RERE: variants seen among roughly 807,000 people sequenced by gnomAD.
RERE encodes the protein arginine-glutamic acid dipeptide repeats protein.
Under a neutral mutation model 146.1 loss-of-function variants are expected in RERE, and 40 were observed. The ratio of observed to expected loss-of-function variants is 0.27; its 90% CI spans 0.21 to 0.36. RERE has a LOEUF of 0.36. RERE is among the 10% of genes least tolerant of loss of function. The pLI, the probability that RERE is intolerant of heterozygous loss-of-function variation, is 1.00. For synonymous variants in RERE, 1,003 were observed against 866.0 expected, an observed-to-expected ratio of 1.16 and a Z score of -2.78; for missense variants, 1,933 against 2,138.7, an observed-to-expected ratio of 0.90 and a Z score of 1.90.
rs545872918 is a variant in RERE at position 8,553,154 on chromosome 1, C to T, written c.725+3321G>A. On this transcript the variant is annotated intron_variant, in intron 6 of 22. Transcript: ENST00000400908. ...GTGACACCACACAAGTAGGCCAGTG[C>T]ATCCACACATGCGTGTGCGACACAC... Among the ~76,000 whole-genome samples, 38 of 150,976 alleles carry T rather than the reference C, an allele frequency of 2.5e-4. No homozygotes were observed. The South Asian group carries it at 5.9e-3, about 23-fold the overall frequency.
At chr1:8,646,492 A>G (rs1647313435) in intron 2 of RERE, among the ~76,000 whole-genome samples, 1 of 151,616 alleles carries the variant, frequency 6.6e-6, no homozygotes, top group East Asian at 1.9e-4. Context: ...TGTTCATGTC[A>G]CTGCACTGTT....
At chr1:8,771,331 G>A (rs1640944676) in intron 1 of RERE, among the ~76,000 whole-genome samples, 1 of 151,654 alleles carries the variant, frequency 6.6e-6, no homozygotes, top group Non-Finnish European at 1.5e-5. Context: ...AGTCCAGCCT[G>A]GCCAACATGA....
At chr1:8,591,375 T>C (rs1292895739) in intron 4 of RERE, among the ~76,000 whole-genome samples, 2 of 152,112 alleles carry the variant, frequency 1.3e-5, no homozygotes, top group African/African-American at 2.4e-5. Context: ...CTGGCTGTTT[T>C]TGACCACCCA....
intron 1 of RERE, among the ~76,000 whole-genome samples, chr1:8,745,551 C>T (rs1315955176): frequency 6.6e-6 from 1 of 152,102 alleles, no homozygotes; most frequent in Non-Finnish European, 1.5e-5. Context: ...CTGTCATGAT[C>T]GCCTGGCTAA....
At chr1:8,814,012 T>G (rs1233497743) in intron 1 of RERE, among the ~76,000 whole-genome samples, 1 of 152,232 alleles carries the variant, frequency 6.6e-6, no homozygotes, top group African/African-American at 2.4e-5. Flanking sequence ...ATTACCTTTT[T>G]GTTGTGAATT....
intron 7 of RERE, among the ~76,000 whole-genome samples, chr1:8,522,883 AAAAG>A (rs1421064709): frequency 6.6e-6 from 1 of 151,972 alleles, no homozygotes; most frequent in Admixed American, 6.6e-5. Context: ...CAAAAAAAAA[AAAAG>A]AATGAAGTGT....
chr1:8,627,176 T>C (rs1570533327), intron 2 of RERE, among the ~76,000 whole-genome samples: 1 of 152,242 alleles, frequency 6.6e-6, no homozygotes, highest in East Asian at 1.9e-4. Flanking sequence ...CTCCCTTCTT[T>C]TACATAACAT....
intron 4 of RERE, among the ~76,000 whole-genome samples, chr1:8,576,050 AG>A (rs1416713378): frequency 1.3e-5 from 2 of 152,206 alleles, no homozygotes; most frequent in Non-Finnish European, 2.9e-5. Flanking sequence ...AAATGTGTAC[AG>A]GGTCTGAGGA....
intron 2 of RERE, among the ~76,000 whole-genome samples, chr1:8,644,119 C>T (rs1647223360): frequency 6.6e-6 from 1 of 152,178 alleles, no homozygotes; most frequent in South Asian, 2.1e-4. Flanking sequence ...ACATCTATTT[C>T]CCCTACCAAA....
At chr1:8,425,411 GGACC>G (rs1643997421) in intron 11 of RERE, among the ~76,000 whole-genome samples, 1 of 152,192 alleles carries the variant, frequency 6.6e-6, no homozygotes, top group Admixed American at 6.5e-5. Context: ...GTGCAGCAAG[GGACC>G]CAAGAAGGCT....
intron 1 of RERE, among the ~76,000 whole-genome samples, chr1:8,763,128 A>T (rs1640785868): frequency 6.6e-6 from 1 of 152,204 alleles, no homozygotes; most frequent in South Asian, 2.1e-4. Context: ...AGCTTGATGG[A>T]GAAAGATAAT....
intron 7 of RERE, among the ~76,000 whole-genome samples, chr1:8,537,128 A>G (rs919814733): frequency 6.6e-6 from 1 of 152,164 alleles, no homozygotes; most frequent in African/African-American, 2.4e-5. Flanking sequence ...CACCTGAGCC[A>G]GGTAAGTTGA....
intron 17 of RERE, 128 bp from the exon 18 acceptor site, chr1:8,361,618 G>A (rs1240988106): frequency 1.4e-6 from 2 of 1,391,388 alleles, no homozygotes; most frequent in Non-Finnish European, 2.0e-6. Context: ...GGGACCACAG[G>A]TCGTGCCCTG....
intron 10 of RERE, among the ~76,000 whole-genome samples, chr1:8,488,267 CAG>C (rs1030420834): frequency 6.6e-6 from 1 of 151,940 alleles, no homozygotes; most frequent in Admixed American, 6.6e-5. Context: ...TTTTTTGAGA[CAG>C]AGTTTCACTC....
intron 7 of RERE, among the ~76,000 whole-genome samples, chr1:8,518,072 G>A (rs779627156): frequency 6.6e-5 from 10 of 152,326 alleles, no homozygotes; most frequent in Non-Finnish European, 1.0e-4. Flanking sequence ...AGGGGAAGGG[G>A]CAGGAAGGCA....
At chr1:8,542,808 C>G (rs1645815166) in intron 6 of RERE, among the ~76,000 whole-genome samples, 1 of 152,134 alleles carries the variant, frequency 6.6e-6, no homozygotes, top group Non-Finnish European at 1.5e-5. Flanking sequence ...ACCCAGCCCC[C>G]ATCTCCATTT....
intron 12 of RERE, among the ~76,000 whole-genome samples, chr1:8,379,049 G>A (rs139363610): frequency 6.6e-6 from 1 of 152,198 alleles, no homozygotes; most frequent in African/African-American, 2.4e-5. Flanking sequence ...GTTCCCTCAC[G>A]ACGGCTGCAT....
chr1:8,598,603 T>A (rs1205926567), intron 4 of RERE, among the ~76,000 whole-genome samples: 1 of 152,174 alleles, frequency 6.6e-6, no homozygotes, highest in Non-Finnish European at 1.5e-5. Context: ...CCACATCCAA[T>A]GCTCTGTTAC....
At chr1:8,401,373 T>C (rs1372432238) in intron 12 of RERE, among the ~76,000 whole-genome samples, 1 of 151,204 alleles carries the variant, frequency 6.6e-6, no homozygotes, top group Non-Finnish European at 1.5e-5. Flanking sequence ...ACCCGGGAGG[T>C]GGAGTTTGCA....
Sources: allele counts gnomAD v4.1 joint callset (sites outside exome capture counted in the v4.1 genomes callset), GRCh38; gene constraint gnomAD v4.1.1; transcripts MANE v1.5; gene names NCBI Gene and HGNC (gene_info 2026-07-23, HGNC 2026-07-21).